UNC80: variants seen among roughly 807,000 people sequenced by gnomAD.
UNC80 encodes unc-80 subunit of NALCN channel complex, also known as protein unc-80 homolog.
A neutral mutation model predicts 384.6 loss-of-function variants in UNC80; 164 were observed. The observed-to-expected ratio is 0.43, with a 90% CI of 0.38 to 0.49. The LOEUF is 0.49. Ranked by LOEUF, UNC80 falls within the 20% of genes least tolerant of loss-of-function variation. The probability of loss-of-function intolerance (pLI) is 0.00; values close to 1 mark genes in which losing one functional copy is unlikely to be tolerated. For missense variants in UNC80, 3,330 were observed against 4,143.0 expected (o/e 0.80, Z 5.39); for synonymous variants, 1,486 against 1,527.8 (o/e 0.97, Z 0.64).
rs1265358190 is a variant in UNC80 at position 209,786,184 on chromosome 2, T to C, written c.719T>C (p.Ile240Thr). 1 of 1,613,656 alleles carries C rather than the reference T, an allele frequency of 6.2e-7. No individual in the cohort carries two copies. The highest frequency in any genetic ancestry group is 1.7e-5 in the Admixed American group (1 of 59,990). ...CTGGTGAAGCCCATCAGGAACATCA[T>C]TACAGGTTTGTAACTTGGACACTCA... ...TALVKPIRNIITAKRSSPINS... is the reference protein window; with the variant it reads ...TALVKPIRNITTAKRSSPINS... Residue 240 changes from isoleucine (I) to threonine (T), a missense_variant, in exon 5 of 65, where the codon ATT (isoleucine) becomes ACT (threonine). Coordinates refer to ENST00000673920, the MANE Select transcript of UNC80 (RefSeq NM_001371986.1).
At chr2:209,888,350 C>T in intron 26 of UNC80, 90 bp downstream of exon 26, 1 of 1,361,404 alleles carries the variant, frequency 7.3e-7, no homozygotes, top group South Asian at 1.4e-5. Flanking sequence ...AAATTGTGTA[C>T]CCAAATTGTT....
At chr2:209,905,127 T>C (rs1197361633) in intron 29 of UNC80, among the ~76,000 whole-genome samples, 162 bp downstream of exon 29, 1 of 152,190 alleles carries the variant, frequency 6.6e-6, no homozygotes. Flanking sequence ...ACAAATGTTT[T>C]GTCTTTCTTG....
intron 52 of UNC80, chr2:209,969,119 C>T (rs1259638047): frequency 1.3e-5 from 2 of 152,012 alleles, no homozygotes; most frequent in Non-Finnish European, 2.9e-5. Flanking sequence ...TATTTTGGGG[C>T]CACAGGGATG....
chr2:209,831,752 C>G (rs887784179), intron 16 of UNC80, among the ~76,000 whole-genome samples, 161 bp downstream of exon 16: 1 of 152,112 alleles, frequency 6.6e-6, no homozygotes, highest in African/African-American at 2.4e-5. Context: ...CATAATGGAG[C>G]CTTAACAACA....
At chr2:209,942,479 T>A (rs1050646129) in intron 44 of UNC80, among the ~76,000 whole-genome samples, 1 of 152,214 alleles carries the variant, frequency 6.6e-6, no homozygotes, top group Non-Finnish European at 1.5e-5. Context: ...CAATTTTTAT[T>A]TACTCGTGTC....
chr2:209,814,397 C>T (rs560982577), intron 8 of UNC80, among the ~76,000 whole-genome samples: 1 of 152,192 alleles, frequency 6.6e-6, no homozygotes, highest in East Asian at 1.9e-4. Flanking sequence ...GCGCCCGCCA[C>T]CACACCCGGC....
chr2:209,854,638 A>G (rs2082761370), intron 22 of UNC80, among the ~76,000 whole-genome samples: 1 of 152,186 alleles, frequency 6.6e-6, no homozygotes, highest in South Asian at 2.1e-4. Context: ...GGCAAAGGAT[A>G]TGAATGAACC....
chr2:209,954,070 G>C (rs769238008), intron 47 of UNC80, 30 bp from the exon 48 acceptor site: 2 of 1,534,056 alleles, frequency 1.3e-6, no homozygotes, highest in Admixed American at 2.1e-5. Flanking sequence ...AATGTAAAAG[G>C]TGACTCGGTT....
chr2:209,977,063 G>A lies in UNC80; in HGVS notation c.8923G>A (p.Val2975Ile). ...TGAACTAAAAATTCTAAAAGAGGCA[G>A]TTCATAGTGGATCAGGTGAGTGTGC... Reference protein sequence around the residue: ...NSELKILKEAVHSGSAYQGKT... With the variant: ...NSELKILKEAIHSGSAYQGKT... Residue 2975 changes from valine (V) to isoleucine (I), a missense_variant, in exon 58 of 65, where the codon GTT becomes ATT. Transcript: ENST00000673920. 1 of 1,519,836 alleles carries A rather than the reference G, an allele frequency of 6.6e-7. No individual in the cohort carries two copies. 94.1% of individuals were successfully genotyped at this position (1,519,836 alleles called of 1,614,324 possible). A position where few individuals can be genotyped will look rare whatever the true frequency, so the allele number is the denominator to read the frequency against.
intron 7 of UNC80, among the ~76,000 whole-genome samples, chr2:209,798,905 T>C (rs2078350151): frequency 1.3e-5 from 2 of 149,708 alleles, no homozygotes; most frequent in East Asian, 1.9e-4. Flanking sequence ...AGGATGGTCT[T>C]GATCTCCTGA....
chr2:209,852,612 C>T (rs186527613), intron 22 of UNC80, among the ~76,000 whole-genome samples: 1 of 152,034 alleles, frequency 6.6e-6, no homozygotes, highest in Admixed American at 6.6e-5. Flanking sequence ...TTCTGACAGA[C>T]TGAGAGGAAG....
intron 56 of UNC80, among the ~76,000 whole-genome samples, chr2:209,974,796 ACTG>A (rs913795135): frequency 6.6e-6 from 1 of 152,256 alleles, no homozygotes; most frequent in African/African-American, 2.4e-5. Flanking sequence ...ACTTTTATAC[ACTG>A]CTATGTCTTA....
rs573312091 is a variant in UNC80 at position 209,996,875 on chromosome 2, T to C, written c.*1280T>C. The C allele has an allele frequency of 1.3e-5, 2 of 152,238 alleles. No individual in the cohort carries two copies. The highest frequency in any genetic ancestry group is 4.8e-5 in the African/African-American group (2 of 41,556). 9.4% of individuals were successfully genotyped at this position (152,238 alleles called of 1,614,324 possible). On this transcript the variant is annotated 3_prime_UTR_variant, in exon 65 of 65. Coordinates refer to ENST00000673920, the MANE Select transcript of UNC80 (RefSeq NM_001371986.1). ...AAACTCATATACATACTTAAATTGG[T>C]ACGGTGGTGTATGTGTGCGTGCGTG...
chr2:209,868,721 G>C (rs10490026), intron 22 of UNC80, among the ~76,000 whole-genome samples: 8 of 152,056 alleles, frequency 5.3e-5, no homozygotes, highest in Non-Finnish European at 1.2e-4. Context: ...ACTTTTTGTA[G>C]TTTCAACTGG....
intron 13 of UNC80, among the ~76,000 whole-genome samples, chr2:209,825,484 C>T (rs1283159748): frequency 6.6e-6 from 1 of 152,164 alleles, no homozygotes; most frequent in Non-Finnish European, 1.5e-5. Flanking sequence ...AAGCTCCAGA[C>T]TTTGATCAGT....
intron 63 of UNC80, 96 bp downstream of exon 63, chr2:209,993,522 C>A: frequency 9.7e-7 from 1 of 1,034,650 alleles, no homozygotes; most frequent in Non-Finnish European, 1.4e-6. Context: ...TGGAGATAAG[C>A]ACACCTTTGG....
intron 22 of UNC80, among the ~76,000 whole-genome samples, chr2:209,868,055 A>T (rs2083986529): frequency 6.6e-6 from 1 of 152,216 alleles, no homozygotes; most frequent in South Asian, 2.1e-4. Context: ...GCCTACCCAC[A>T]GCTACTGTAG....
At chr2:209,824,830 A>G (rs2080394482) in intron 13 of UNC80, among the ~76,000 whole-genome samples, 1 of 152,170 alleles carries the variant, frequency 6.6e-6, no homozygotes. Flanking sequence ...CCATGCGCAC[A>G]TTTGAGTACT....
At chr2:209,842,007 A>G (rs1022610043) in intron 20 of UNC80, among the ~76,000 whole-genome samples, 9 of 152,222 alleles carry the variant, frequency 5.9e-5, no homozygotes, top group Non-Finnish European at 1.3e-4. Flanking sequence ...CTGATTCTCA[A>G]TTGTGGTATT....
Sources: allele counts gnomAD v4.1 joint callset (sites outside exome capture counted in the v4.1 genomes callset), GRCh38; gene constraint gnomAD v4.1.1; transcripts MANE v1.5; gene names NCBI Gene and HGNC (gene_info 2026-07-23, HGNC 2026-07-21).